The following CHRAC1 variants were observed in gnomAD, a reference collection of about 807,000 sequenced individuals.
The protein encoded by CHRAC1 is chromatin accessibility complex subunit 1, also known as chromatin accessibility complex protein 1.
In CHRAC1, 6 loss-of-function variants were observed where a neutral mutation model predicts 9.1. The observed-to-expected ratio is 0.66, with a 90% CI of 0.36 to 1.29. The LOEUF (loss-of-function observed/expected upper bound fraction) is 1.29, where lower values mean the gene tolerates loss of function less well. CHRAC1 is among the 50% of genes most tolerant of loss of function. CHRAC1 has a pLI of 0.03. For synonymous variants in CHRAC1, 73 were observed against 64.5 expected, an observed-to-expected ratio of 1.13 and a Z score of -0.63; for missense variants, 168 against 163.5, an observed-to-expected ratio of 1.03 and a Z score of -0.15.
chr8:140,513,260 C>G (rs996442356), intron 1 of CHRAC1, among the ~76,000 whole-genome samples: 4 of 152,208 alleles, frequency 2.6e-5, no homozygotes, highest in Non-Finnish European at 2.9e-5. Flanking sequence ...CCGGTTGTTT[C>G]ATTAGGTCTG....
In CHRAC1 at chr8:140,512,150, C is replaced by G. The variant is rs1230570699; in HGVS notation, c.147+504C>G. 7.2e-6 allele frequency: 4 copies of G among 558,120 alleles called. No individual in the cohort carries two copies. The Admixed American group carries it at 1.0e-4, about 14-fold the overall frequency. 34.6% of individuals were successfully genotyped at this position (558,120 alleles called of 1,614,324 possible). Reference sequence around the variant, plus strand: ...CGTCGGCGCCTAGTGGCGCTCTTCTCATTTGGGTTCTTTGGGGGCTCTTTC... The same window carrying G: ...CGTCGGCGCCTAGTGGCGCTCTTCTGATTTGGGTTCTTTGGGGGCTCTTTC... On this transcript the variant is annotated intron_variant, in intron 1 of 2. Transcript: ENST00000220913.
Position 140,512,924 on chromosome 8 carries a change from C to T in CHRAC1, c.147+1278C>T, listed in dbSNP as rs544829481. Among the ~76,000 whole-genome samples, 3 of 152,290 alleles carry T rather than the reference C, an allele frequency of 2.0e-5. No homozygotes were observed. In the East Asian group the frequency reaches 5.8e-4, roughly 29 times the overall value. ...CTCTGCCTCGCGGGTTCAGATGATT[C>T]TCCTGCCTCAGCCTCCTGAGTAGCT... On this transcript the variant is annotated intron_variant, in intron 1 of 2. Coordinates refer to ENST00000220913, the MANE Select transcript of CHRAC1 (RefSeq NM_017444.6).
chr8:140,514,912 G>A (rs2072318326), intron 2 of CHRAC1: 2 of 480,226 alleles, frequency 4.2e-6, no homozygotes, highest in African/African-American at 3.9e-5. Context: ...AGACACCATG[G>A]TTTGTACTCA....
chr8:140,511,549 T>C lies in CHRAC1; in HGVS notation c.50T>C (p.Ile17Thr). Reference sequence around the variant, plus strand: ...GACAAGGGCGGGGAGCAGCGGCTCATCTCGCTGCCTCTATCCCGCATCCGG... The same window carrying C: ...GACAAGGGCGGGGAGCAGCGGCTCACCTCGCTGCCTCTATCCCGCATCCGG... Reference protein sequence around the residue: ...GKDKGGEQRLISLPLSRIRVI... With the variant: ...GKDKGGEQRLTSLPLSRIRVI... Residue 17 changes from isoleucine to threonine, a missense_variant, in exon 1 of 3, where the codon ATC (isoleucine) becomes ACC (threonine). Physicochemically the swap from Ile to Thr is moderately conservative, Grantham distance 89. Coordinates refer to ENST00000220913, the MANE Select transcript of CHRAC1 (RefSeq NM_017444.6). The C allele has an allele frequency of 7.0e-7, 1 of 1,437,708 alleles. No homozygotes were observed. The highest frequency in any genetic ancestry group is 9.2e-7 in the Non-Finnish European group (1 of 1,087,272). 89.1% of individuals were successfully genotyped at this position (1,437,708 alleles called of 1,614,324 possible).
Position 140,516,037 on chromosome 8 carries a change from T to C in CHRAC1, c.*790T>C, listed in dbSNP as rs1483203028. 1 of 152,208 alleles carries C rather than the reference T, an allele frequency of 6.6e-6. No homozygotes were observed. The highest frequency in any genetic ancestry group is 1.5e-5 in the Non-Finnish European group (1 of 68,044). The allele number at this position is 152,208 out of a possible 1,614,324, so 9.4% of individuals were successfully genotyped here. A position where few individuals can be genotyped will look rare whatever the true frequency, so the allele number is the denominator to read the frequency against. ...AGATCTCTCTCATCTTACTGTTCTT[T>C]GCTTTAAATTCCTGGCACTTCTTTT... On this transcript the variant is annotated 3_prime_UTR_variant, in exon 3 of 3. Transcript: ENST00000220913.
chr8:140,511,705 G>A (rs2072276917), intron 1 of CHRAC1, 59 bp downstream of exon 1: 7 of 1,272,372 alleles, frequency 5.5e-6, no homozygotes, highest in Admixed American at 4.2e-5. Flanking sequence ...GCCCCGCCGG[G>A]CTCTGGGCAC....
chr8:140,511,676 C>T (rs2072276450), intron 1 of CHRAC1, 30 bp downstream of exon 1: 3 of 1,318,602 alleles, frequency 2.3e-6, no homozygotes, highest in Non-Finnish European at 2.9e-6. Flanking sequence ...GTGTGGGCCG[C>T]CCTTACCCCT....
In CHRAC1 at chr8:140,511,774, C is replaced by G. The variant is rs901497543; in HGVS notation, c.147+128C>G. 2.7e-5 allele frequency: 25 copies of G among 934,746 alleles called. No individual in the cohort carries two copies. The African/African-American group carries it at 4.1e-4, about 15-fold the overall frequency. The allele number at this position is 934,746 out of a possible 1,614,324, so 57.9% of individuals were successfully genotyped here. On this transcript the variant is annotated intron_variant, in intron 1 of 2. Transcript: ENST00000220913. ...TGCTCTTGCCGGGCTCGCGCGCGCC[C>G]CGCTGTCCCCGTCCCACGCCGGCGC...
chr8:140,512,133 C>G, intron 1 of CHRAC1: 1 of 689,996 alleles, frequency 1.4e-6, no homozygotes, highest in Non-Finnish European at 2.1e-6. Context: ...GGCGTCGGCG[C>G]CTAGTGGCGC....
chr8:140,511,520 TAA>T lies in CHRAC1; in HGVS notation c.23_24del (p.Lys8ArgfsTer68), dbSNP rs2072273017. ...GGAAGATGGCGGACGTGGTCGTGGG[TAA>T]AGACAAGGGCGGGGAGCAGCGGCTC... The part of the protein sequence containing the change: MADVVVG[K>X]DKGGEQRLIS... On this transcript the variant is annotated frameshift_variant, in exon 1 of 3. Transcript: ENST00000220913. LOFTEE classifies it high-confidence loss of function. The T allele has an allele frequency of 1.5e-6, 2 of 1,367,180 alleles. No homozygotes were observed. Among genetic ancestry groups the T allele is most frequent in the Non-Finnish European group, 1.9e-6 (2 of 1,052,452 alleles). The allele number at this position is 1,367,180 out of a possible 1,614,324, so 84.7% of individuals were successfully genotyped here. A position where few individuals can be genotyped will look rare whatever the true frequency, so the allele number is the denominator to read the frequency against.
chr8:140,515,090 A>G (rs2072319570), intron 2 of CHRAC1, 36 bp from the exon 3 acceptor site: 1 of 1,601,388 alleles, frequency 6.2e-7, no homozygotes, highest in Non-Finnish European at 8.5e-7. Context: ...ATAGTCTACC[A>G]TAACCAATTG....
In CHRAC1 at chr8:140,511,524, G is replaced by A; in HGVS notation, c.25G>A (p.Asp9Asn). Residue 9 changes from aspartate (D) to asparagine (N), a missense_variant, in exon 1 of 3, where the codon GAC becomes AAC. By Grantham distance (23) the Asp-to-Asn change is conservative. Coordinates refer to ENST00000220913, the MANE Select transcript of CHRAC1 (RefSeq NM_017444.6). MADVVVGK[D>N]KGGEQRLISL... is the part of the protein sequence containing the mutation. Reference sequence around the variant, plus strand: ...GATGGCGGACGTGGTCGTGGGTAAAGACAAGGGCGGGGAGCAGCGGCTCAT... The same window carrying A: ...GATGGCGGACGTGGTCGTGGGTAAAAACAAGGGCGGGGAGCAGCGGCTCAT... The A allele has an allele frequency of 7.2e-7, 1 of 1,383,986 alleles. No homozygotes were observed. The highest frequency in any genetic ancestry group is 9.4e-7 in the Non-Finnish European group (1 of 1,060,726). The allele number at this position is 1,383,986 out of a possible 1,614,324, so 85.7% of individuals were successfully genotyped here.
chr8:140,515,060 A>G (rs2072319331), intron 2 of CHRAC1, 66 bp from the exon 3 acceptor site: 1 of 1,499,248 alleles, frequency 6.7e-7, no homozygotes, highest in African/African-American at 1.4e-5. Flanking sequence ...GTACATTTTG[A>G]AATGTGCATT....
At position 140,511,335 on chromosome 8, in the gene CHRAC1, T is replaced by C. The variant is rs2072269007; in HGVS notation, c.-165T>C. 2.1e-6 allele frequency: 1 copy of C among 479,266 alleles called. No individual in the cohort carries two copies. The allele number at this position is 479,266 out of a possible 1,614,324, so 29.7% of individuals were successfully genotyped here. ...GGGGCGCGAGGCCTCACGGAGCTCG[T>C]AGTTTCCCGGACGGGCCGCTCCCGG... is the stretch of plus-strand genomic sequence containing the variant. On this transcript the variant is annotated 5_prime_UTR_variant, in exon 1 of 3. Transcript: ENST00000220913.
rs1483861147 is a variant in CHRAC1 at position 140,515,136 on chromosome 8, AAAG to A, written c.290_292del (p.Lys97del). On this transcript the variant is annotated inframe_deletion, in exon 3 of 3. Transcript: ENST00000220913. ...CTTTATGTTTTTAAGATATATTACC[AAAG>A]AAGATTTTAGCTAGTAAATACCTGA... 6.2e-7 allele frequency: 1 copy of A among 1,612,110 alleles called. No homozygotes were observed. Among genetic ancestry groups the A allele is most frequent in the Non-Finnish European group, 8.5e-7 (1 of 1,178,228 alleles).
rs1242003278 is a variant in CHRAC1 at position 140,516,242 on chromosome 8, G to A, written c.*995G>A. ...AGCTCACTGCAACCTCCGCCTCCCA[G>A]GTTCAAGTGATTCTCCTGCCTCATC... On this transcript the variant is annotated 3_prime_UTR_variant, in exon 3 of 3. Transcript: ENST00000220913. 2 of 151,954 alleles carry A rather than the reference G, an allele frequency of 1.3e-5. No homozygotes were observed. The highest frequency in any genetic ancestry group is 2.9e-5 in the Non-Finnish European group (2 of 68,034). 9.4% of individuals were successfully genotyped at this position (151,954 alleles called of 1,614,324 possible).
At chr8:140,512,079 C>T (rs2072282601) in intron 1 of CHRAC1, 4 of 1,208,246 alleles carry the variant, frequency 3.3e-6, no homozygotes, top group Non-Finnish European at 4.4e-6. Flanking sequence ...TGTGCGCTCA[C>T]GTCCTCCCTC....
rs1216975060 is a variant in CHRAC1, at chr8:140,515,954, T to C, written c.*707T>C. On this transcript the variant is annotated 3_prime_UTR_variant, in exon 3 of 3. Coordinates refer to ENST00000220913, the MANE Select transcript of CHRAC1 (RefSeq NM_017444.6). ...TCAAATCAAATACAAAAATAAGTCT[T>C]ACCTCTTGTATAAGCATGTTGTACT... The C allele has an allele frequency of 1.3e-5, 2 of 152,200 alleles. No homozygotes were observed. Among genetic ancestry groups the C allele is most frequent in the African/African-American group, 4.8e-5 (2 of 41,456 alleles). The allele number at this position is 152,200 out of a possible 1,614,324, so 9.4% of individuals were successfully genotyped here.
chr8:140,511,969 C>T (rs867133840), intron 1 of CHRAC1: 2 of 1,295,110 alleles, frequency 1.5e-6, no homozygotes, highest in African/African-American at 1.5e-5. Context: ...CGCACCTTCG[C>T]CCCGCCCACC....
Sources: allele counts gnomAD v4.1 joint callset (sites outside exome capture counted in the v4.1 genomes callset), GRCh38; gene constraint gnomAD v4.1.1; transcripts MANE v1.5; gene names NCBI Gene and HGNC (gene_info 2026-07-23, HGNC 2026-07-21).